The following FAM163A variants were observed in gnomAD, a reference collection of about 807,000 sequenced individuals.
FAM163A encodes the protein protein FAM163A.
Under a neutral mutation model 12.0 loss-of-function variants are expected in FAM163A, and 7 were observed. The ratio of observed to expected loss-of-function variants is 0.58; its 90% CI spans 0.33 to 1.10. The LOEUF is 1.10. FAM163A is among the 50% of genes least tolerant of loss of function. The pLI, the probability that FAM163A is intolerant of heterozygous loss-of-function variation, is 0.03. For missense variants in FAM163A, 202 were observed against 218.6 expected (o/e 0.92, Z 0.48); for synonymous variants, 101 against 91.0 (o/e 1.11, Z -0.62).
chr1:179,744,290 G>A (rs1362374967), intron 1 of FAM163A, among the ~76,000 whole-genome samples: 1 of 152,064 alleles, frequency 6.6e-6, no homozygotes, highest in Non-Finnish European at 1.5e-5. Flanking sequence ...TCAAGGCGCC[G>A]GCCACACGGA....
chr1:179,734,958 G>A, the FAM163A span, among the ~76,000 whole-genome samples: 4 of 152,160 alleles, frequency 2.6e-5, no homozygotes, highest in Non-Finnish European at 4.4e-5. Context: ...CCTGTTATGT[G>A]ATGTGGCCTC....
intron 1 of FAM163A, among the ~76,000 whole-genome samples, chr1:179,744,579 T>G (rs1025859353): frequency 6.6e-6 from 1 of 152,210 alleles, no homozygotes; most frequent in Non-Finnish European, 1.5e-5. Context: ...CGTGTTTTCC[T>G]GTCACACTGG....
chr1:179,791,712 G>T (rs1238390908), intron 1 of FAM163A, among the ~76,000 whole-genome samples: 1 of 152,154 alleles, frequency 6.6e-6, no homozygotes, highest in Non-Finnish European at 1.5e-5. Context: ...ATCATCTGTG[G>T]CCTCCATTTA....
chr1:179,764,148 G>A (rs1427159717), intron 1 of FAM163A, among the ~76,000 whole-genome samples: 1 of 152,214 alleles, frequency 6.6e-6, no homozygotes, highest in Non-Finnish European at 1.5e-5. Flanking sequence ...TGGCAGCACT[G>A]CAGAAAATAG....
chr1:179,751,154 T>G (rs1352715217), intron 1 of FAM163A, among the ~76,000 whole-genome samples: 1 of 151,522 alleles, frequency 6.6e-6, no homozygotes, highest in Admixed American at 6.6e-5. Flanking sequence ...AGAGGAGAGG[T>G]CCAGGTAGGA....
In FAM163A at chr1:179,815,078, C is replaced by T. The variant is rs914617424; in HGVS notation, c.*889C>T. On this transcript the variant is annotated 3_prime_UTR_variant, in exon 5 of 5. Coordinates refer to ENST00000341785, the MANE Select transcript of FAM163A (RefSeq NM_173509.3). ...GCAGTCCTGTGAGGGTGTGCATAAC[C>T]GTTCCCAGGTGTACGCACGCGCGCG... 1.3e-5 allele frequency: 2 copies of T among 152,878 alleles called. No individual in the cohort carries two copies. Among genetic ancestry groups the T allele is most frequent in the Admixed American group, 1.3e-4 (2 of 15,142 alleles). 9.5% of individuals were successfully genotyped at this position (152,878 alleles called of 1,614,324 possible).
chr1:179,758,728 A>G (rs561889272), intron 1 of FAM163A, among the ~76,000 whole-genome samples: 1 of 152,320 alleles, frequency 6.6e-6, no homozygotes, highest in East Asian at 1.9e-4. Context: ...AAATTTTTAC[A>G]TACTTTCTCA....
At chr1:179,792,907 G>C (rs913407785) in intron 1 of FAM163A, among the ~76,000 whole-genome samples, 2 of 151,432 alleles carry the variant, frequency 1.3e-5, no homozygotes, top group Non-Finnish European at 2.9e-5. Flanking sequence ...ATAAAATACA[G>C]TGTGACAGGA....
intron 1 of FAM163A, among the ~76,000 whole-genome samples, chr1:179,760,564 C>T (rs984149175): frequency 4.6e-5 from 7 of 152,164 alleles, no homozygotes; most frequent in African/African-American, 1.7e-4. Context: ...CAGTAAAGAT[C>T]CAGAGGATCC....
intron 1 of FAM163A, among the ~76,000 whole-genome samples, chr1:179,749,857 A>T (rs200577358): frequency 1.1e-5 from 1 of 89,730 alleles, no homozygotes; most frequent in South Asian, 3.9e-4. Flanking sequence ...AAACTCTGTC[A>T]AAAAAATAAA....
chr1:179,747,291 C>G (rs1308930214), intron 1 of FAM163A, among the ~76,000 whole-genome samples: 5 of 152,222 alleles, frequency 3.3e-5, no homozygotes, highest in African/African-American at 1.2e-4. Flanking sequence ...CCCCTTTGAG[C>G]ATTTCTTATC....
At chr1:179,736,881 C>T in the FAM163A span, among the ~76,000 whole-genome samples, 1 of 152,050 alleles carries the variant, frequency 6.6e-6, no homozygotes, top group Non-Finnish European at 1.5e-5. Flanking sequence ...AAATTGGAAC[C>T]TTTGTACACT....
chr1:179,795,579 C>G (rs1364218476), intron 1 of FAM163A, among the ~76,000 whole-genome samples: 1 of 152,206 alleles, frequency 6.6e-6, no homozygotes, highest in Non-Finnish European at 1.5e-5. Context: ...CTCTTGGACT[C>G]CCCCGTCTTC....
intron 1 of FAM163A, among the ~76,000 whole-genome samples, chr1:179,800,723 A>G (rs1233870806): frequency 2.6e-5 from 4 of 152,182 alleles, no homozygotes; most frequent in Non-Finnish European, 5.9e-5. Context: ...TAAGTAGTAG[A>G]TGAAGGATAA....
intron 1 of FAM163A, among the ~76,000 whole-genome samples, chr1:179,769,624 CA>C (rs2148104546): frequency 6.6e-6 from 1 of 152,234 alleles, no homozygotes; most frequent in South Asian, 2.1e-4. Flanking sequence ...TAAACACCAA[CA>C]AAAATCCCTG....
chr1:179,743,866 C>G (rs1428908384), intron 1 of FAM163A, among the ~76,000 whole-genome samples: 1 of 152,138 alleles, frequency 6.6e-6, no homozygotes, highest in Non-Finnish European at 1.5e-5. Context: ...CTCACGCGGA[C>G]GCCGCTGCTG....
chr1:179,783,780 ATT>A (rs553348660), intron 1 of FAM163A, among the ~76,000 whole-genome samples: 2,879 of 140,868 alleles, frequency 0.02, 117 homozygotes, highest in African/African-American at 0.058. Context: ...TTATATATAT[ATT>A]ATATAATTTA....
chr1:179,727,895 G>A, the FAM163A span, among the ~76,000 whole-genome samples: 23 of 152,242 alleles, frequency 1.5e-4, no homozygotes, highest in African/African-American at 5.3e-4. Flanking sequence ...GTAAGATGTA[G>A]GGATGTGTCT....
chr1:179,798,122 C>T (rs183904238), intron 1 of FAM163A, among the ~76,000 whole-genome samples: 13 of 152,054 alleles, frequency 8.5e-5, no homozygotes, highest in East Asian at 7.7e-4. Flanking sequence ...CCCAGCTACT[C>T]GGGTGGCTGA....
Sources: gnomAD v4.1 joint callset for allele counts (sites outside exome capture counted in the v4.1 genomes callset) on GRCh38, gnomAD v4.1.1 for gene constraint, MANE v1.5 for transcripts, NCBI Gene and HGNC (gene_info 2026-07-23, HGNC 2026-07-21) for gene names.